STK31: variants seen among roughly 807,000 people sequenced by gnomAD.
STK31 encodes serine/threonine-protein kinase 31.
A neutral mutation model predicts 129.7 loss-of-function variants in STK31; 89 were observed. The ratio of observed to expected loss-of-function variants is 0.69; its 90% CI spans 0.58 to 0.82. The LOEUF (loss-of-function observed/expected upper bound fraction) is 0.82. STK31 is among the 40% of genes least tolerant of loss of function. The pLI is 0.00. For missense variants in STK31, 1,187 were observed against 1,176.4 expected (o/e 1.01, Z -0.13); for synonymous variants, 448 against 395.3 (o/e 1.13, Z -1.58).
intron 3 of STK31, among the ~76,000 whole-genome samples, chr7:23,716,209 ATTAG>A (rs778183739): frequency 5.9e-5 from 9 of 152,076 alleles, no homozygotes; most frequent in African/African-American, 1.9e-4. Flanking sequence ...TCTGATGAAT[ATTAG>A]TTATTTTGTA....
intron 22 of STK31, among the ~76,000 whole-genome samples, chr7:23,797,047 G>T (rs558851433): frequency 2.0e-5 from 3 of 152,200 alleles, no homozygotes; most frequent in Non-Finnish European, 4.4e-5. Flanking sequence ...AGGGATCAAC[G>T]CAACAAGAAG....
intron 10 of STK31, among the ~76,000 whole-genome samples, chr7:23,761,659 C>T (rs934044061): frequency 9.3e-5 from 14 of 151,238 alleles, no homozygotes; most frequent in African/African-American, 2.4e-4. Context: ...CCGCCTGCCT[C>T]GGCCTCCCAA....
rs115259265 is a variant in STK31 at position 23,731,371 on chromosome 7, C to G, written c.483+2122C>G. On this transcript the variant is annotated intron_variant, in intron 6 of 23. Coordinates refer to ENST00000355870, the MANE Select transcript of STK31 (RefSeq NM_031414.5). ...TATATGAAGTCTTTGCTAATACCCA[C>G]TTACCCGGTCCTCTGTGGTGTTTTA... is the stretch of plus-strand genomic sequence containing the variant. Among the ~76,000 whole-genome samples the G allele has an allele frequency of 7.2e-3, 1,095 of 152,298 alleles. 14 individuals carry two copies. Among genetic ancestry groups the G allele is most frequent in the African/African-American group, 0.025 (1,059 of 41,550 alleles).
intron 5 of STK31, 47 bp downstream of exon 5, chr7:23,727,362 T>C (rs1787148061): frequency 6.4e-7 from 1 of 1,564,474 alleles, no homozygotes; most frequent in East Asian, 2.3e-5. Context: ...GAAATATTTA[T>C]TGTGGTTCAA....
chr7:23,748,729 T>C (rs564075287), intron 8 of STK31, among the ~76,000 whole-genome samples: 1 of 152,348 alleles, frequency 6.6e-6, no homozygotes, highest in African/African-American at 2.4e-5. Context: ...TTTTTTGGCT[T>C]ACTTTACTGT....
intron 4 of STK31, chr7:23,721,771 T>C: frequency 1.5e-6 from 1 of 681,858 alleles, no homozygotes; most frequent in East Asian, 2.9e-5. Context: ...CCCAAGTGTT[T>C]TGTCCAGTTC....
chr7:23,828,463 A>G (rs1794322170), intron 23 of STK31, among the ~76,000 whole-genome samples: 1 of 152,328 alleles, frequency 6.6e-6, no homozygotes, highest in African/African-American at 2.4e-5. Context: ...TTAGGGTGGG[A>G]GTGACCCGAT....
At chr7:23,820,235 C>T (rs567169006) in intron 23 of STK31, among the ~76,000 whole-genome samples, 2 of 152,240 alleles carry the variant, frequency 1.3e-5, no homozygotes, top group African/African-American at 2.4e-5. Flanking sequence ...ATAAAATCTA[C>T]GCATACCCAA....
chr7:23,754,426 G>C lies in STK31; in HGVS notation c.1245G>C (p.Trp415Cys), dbSNP rs1788924695. The C allele has an allele frequency of 1.2e-6, 2 of 1,613,728 alleles. No individual in the cohort carries two copies. The highest frequency in any genetic ancestry group is 4.5e-5 in the East Asian group (2 of 44,846). Residue 415 changes from tryptophan (W) to cysteine (C), a missense_variant, in exon 10 of 24, where the codon TGG becomes TGC. Coordinates refer to ENST00000355870, the MANE Select transcript of STK31 (RefSeq NM_031414.5). ...CTTTGAATGGATTAGAGATAATATGGGCAGAATACAGTCTGGCTCAGGAGA... is the reference window on the plus strand; with the variant it reads ...CTTTGAATGGATTAGAGATAATATGCGCAGAATACAGTCTGGCTCAGGAGA... The part of the protein sequence containing the change: ...PASLNGLEII[W>C]AEYSLAQENI...
chr7:23,740,553 G>T (rs1399433249), intron 8 of STK31, among the ~76,000 whole-genome samples: 1 of 151,990 alleles, frequency 6.6e-6, no homozygotes, highest in African/African-American at 2.4e-5. Context: ...GTGCAGGTTT[G>T]TTACATACGT....
At chr7:23,804,631 A>G (rs879635249) in intron 22 of STK31, among the ~76,000 whole-genome samples, 2 of 152,190 alleles carry the variant, frequency 1.3e-5, no homozygotes, top group Admixed American at 1.3e-4. Flanking sequence ...AGGAGATGTT[A>G]GTGGTCATAC....
intron 22 of STK31, among the ~76,000 whole-genome samples, chr7:23,813,290 T>C (rs1032548481): frequency 1.3e-5 from 2 of 152,142 alleles, no homozygotes; most frequent in African/African-American, 4.8e-5. Context: ...AAATTTCTTT[T>C]TATTTACCTT....
intron 5 of STK31, chr7:23,727,603 C>CAGTGGT (rs1787166810): frequency 3.4e-6 from 1 of 296,922 alleles, no homozygotes; most frequent in African/African-American, 2.5e-5. Context: ...TTCTGTGTCG[C>CAGTGGT]CCAGGCTGGA....
At chr7:23,746,585 C>T (rs551937967) in intron 8 of STK31, among the ~76,000 whole-genome samples, 5 of 152,180 alleles carry the variant, frequency 3.3e-5, no homozygotes, top group Admixed American at 2.0e-4. Flanking sequence ...CTAACAAACA[C>T]GTTTTTGTGT....
intron 22 of STK31, among the ~76,000 whole-genome samples, chr7:23,800,820 T>C (rs1335992749): frequency 6.7e-6 from 1 of 149,256 alleles, no homozygotes; most frequent in Non-Finnish European, 1.5e-5. Context: ...GTATATAATT[T>C]TGTGAGTCTA....
intron 22 of STK31, among the ~76,000 whole-genome samples, chr7:23,803,047 A>G (rs1792477054): frequency 6.6e-6 from 1 of 152,208 alleles, no homozygotes; most frequent in Admixed American, 6.5e-5. Flanking sequence ...ATTTATACCT[A>G]AGAATTTCAT....
rs752675717 is a variant in STK31 at position 23,783,563 on chromosome 7, C to CT, written c.2068-9dup. 7,157 of 1,193,662 alleles carry CT rather than the reference C, an allele frequency of 6.0e-3. No homozygotes were observed. The highest frequency in any genetic ancestry group is 7.3e-3 in the South Asian group (477 of 65,154). The allele number at this position is 1,193,662 out of a possible 1,614,324, so 73.9% of individuals were successfully genotyped here. On this transcript the variant is annotated intron_variant, in intron 16 of 23. Transcript: ENST00000355870. ...ATATATATTGATCTACAGTTAAAAA[C>CT]TTTTTTTTTTTAACTTTAGGAGATG...
chr7:23,724,606 T>C (rs1424555268), intron 4 of STK31, among the ~76,000 whole-genome samples: 1 of 152,224 alleles, frequency 6.6e-6, no homozygotes, highest in African/African-American at 2.4e-5. Flanking sequence ...TATTGTGATG[T>C]TATTACAAAG....
At chr7:23,735,379 C>T (rs1787656991) in intron 6 of STK31, among the ~76,000 whole-genome samples, 159 bp from the exon 7 acceptor site, 1 of 152,048 alleles carries the variant, frequency 6.6e-6, no homozygotes, top group Non-Finnish European at 1.5e-5. Flanking sequence ...GGAATACATT[C>T]ATATACGTGG....
Sources: allele counts gnomAD v4.1 joint callset (sites outside exome capture counted in the v4.1 genomes callset), GRCh38; gene constraint gnomAD v4.1.1; transcripts MANE v1.5; gene names NCBI Gene and HGNC (gene_info 2026-07-23, HGNC 2026-07-21).